SYAP1: variants seen among roughly 807,000 people sequenced by gnomAD.
SYAP1 encodes the protein synapse associated protein 1.
Under a neutral mutation model 29.6 loss-of-function variants are expected in SYAP1, and 3 were observed. The ratio of observed to expected loss-of-function variants is 0.10; its 90% CI spans 0.05 to 0.26. The LOEUF (loss-of-function observed/expected upper bound fraction) is 0.26. SYAP1 is among the 10% of genes least tolerant of loss of function. SYAP1 has a pLI of 1.00. For missense variants in SYAP1, 217 were observed against 264.1 expected (o/e 0.82, Z 1.24); for synonymous variants, 102 against 102.7 (o/e 0.99, Z 0.04).
At chrX:16,760,149 T>G in intron 8 of SYAP1, 83 bp from the exon 9 acceptor site, 1 of 969,644 alleles carries the variant, frequency 1.0e-6, no homozygotes, top group Admixed American at 3.5e-5. Flanking sequence ...GGACTTTACG[T>G]AGGTAATTGA....
intron 3 of SYAP1, among the ~76,000 whole-genome samples, chrX:16,741,255 A>G (rs937354357): frequency 6.3e-5 from 7 of 111,150 alleles, no homozygotes; most frequent in East Asian, 2.8e-4. Flanking sequence ...CTGAAATGCA[A>G]TGGCGGAATC....
chrX:16,754,919 T>G, intron 5 of SYAP1, 26 bp from the exon 6 acceptor site: 4 of 1,200,873 alleles, frequency 3.3e-6, no homozygotes, highest in Non-Finnish European at 4.5e-6. Context: ...CTTTTTCCAC[T>G]GTTCTAATTT....
intron 8 of SYAP1, 74 bp from the exon 9 acceptor site, chrX:16,760,158 G>A: frequency 9.6e-7 from 1 of 1,037,314 alleles, no homozygotes; most frequent in Non-Finnish European, 1.3e-6. Flanking sequence ...GTAGGTAATT[G>A]AGATGGACCG....
chrX:16,721,325 G>A (rs1238283836), intron 1 of SYAP1, among the ~76,000 whole-genome samples: 5 of 110,085 alleles, frequency 4.5e-5, no homozygotes, highest in Middle Eastern at 4.7e-3. Context: ...TCCACCTCCA[G>A]GGTTCAAGTG....
Position 16,736,750 on chromosome X carries a change from C to T in SYAP1, c.361+518C>T, listed in dbSNP as rs777540435. On this transcript the variant is annotated intron_variant, in intron 3 of 8. Transcript: ENST00000380155. The stretch of plus-strand genomic sequence containing the variant: ...GTCTCGAACTCCTGACCTCGTGATC[C>T]GCCCGCCTTAGCCTCCCAAAGTGCT... Among the ~76,000 whole-genome samples the T allele has an allele frequency of 8.0e-5, 9 of 111,916 alleles. No homozygotes were observed. In the South Asian group the frequency reaches 1.5e-3, roughly 18 times the overall value.
Position 16,719,743 on chromosome X carries a change from A to C in SYAP1, c.19A>C (p.Ser7Arg), listed in dbSNP as rs1345262455. Residue 7 changes from serine to arginine, a missense_variant, in exon 1 of 9, where the codon AGT (serine) becomes CGT (arginine). By Grantham distance (110) the Ser-to-Arg change is moderately radical (BLOSUM62 -1). Transcript: ENST00000380155. Reference sequence around the variant, plus strand: ...GAGCGGGATGTTCCGGGGCTTGAGCAGTTGGTTGGGCTTGCAGCAGCCGGT... The same window carrying C: ...GAGCGGGATGTTCCGGGGCTTGAGCCGTTGGTTGGGCTTGCAGCAGCCGGT... The part of the protein sequence containing the change: MFRGLS[S>R]WLGLQQPVAG... 5 of 1,205,210 alleles carry C rather than the reference A, an allele frequency of 4.1e-6. No individual in the cohort carries two copies. The highest frequency in any genetic ancestry group is 5.6e-6 in the Non-Finnish European group (5 of 893,439).
At chrX:16,738,843 T>C (rs1479416243) in intron 3 of SYAP1, among the ~76,000 whole-genome samples, 1 of 111,761 alleles carries the variant, frequency 8.9e-6, no homozygotes, top group Non-Finnish European at 1.9e-5. Context: ...GGAAATGTGT[T>C]CCATGCATTT....
chrX:16,742,745 C>T (rs1193093291), intron 4 of SYAP1, among the ~76,000 whole-genome samples: 2 of 111,367 alleles, frequency 1.8e-5, no homozygotes, highest in East Asian at 5.7e-4. Flanking sequence ...TTCCAAGTAT[C>T]TGGGACGATA....
rs1926304611 is a variant in SYAP1, at chrX:16,735,225, A to G, written c.176-2A>G. Reference sequence around the variant, plus strand: ...ACCACAGATTCTTTTTATTCTTTACAGACTATTTATTTAACTTTGCATCTG... The same window carrying G: ...ACCACAGATTCTTTTTATTCTTTACGGACTATTTATTTAACTTTGCATCTG... On this transcript the variant is annotated splice_acceptor_variant, in intron 1 of 8. Coordinates refer to ENST00000380155, the MANE Select transcript of SYAP1 (RefSeq NM_032796.4). LOFTEE classifies it high-confidence loss of function. 8.8e-7 allele frequency: 1 copy of G among 1,133,524 alleles called. No individual in the cohort carries two copies. Among genetic ancestry groups the G allele is most frequent in the Non-Finnish European group, 1.2e-6 (1 of 836,785 alleles). 93.4% of individuals were successfully genotyped at this position (1,133,524 alleles called of 1,213,427 possible).
At chrX:16,729,143 GAT>G (rs1926149805) in intron 1 of SYAP1, among the ~76,000 whole-genome samples, 1 of 110,881 alleles carries the variant, frequency 9.0e-6, no homozygotes, top group African/African-American at 3.3e-5. Flanking sequence ...AACGTACACT[GAT>G]ATATCAGAAT....
intron 5 of SYAP1, among the ~76,000 whole-genome samples, chrX:16,749,927 A>G (rs988468574): frequency 9.1e-6 from 1 of 109,494 alleles, no homozygotes; most frequent in East Asian, 2.9e-4. Flanking sequence ...AAAAAAAAAA[A>G]AAGTGATTTC....
At chrX:16,744,404 C>G (rs1041494698) in intron 5 of SYAP1, among the ~76,000 whole-genome samples, 1 of 112,729 alleles carries the variant, frequency 8.9e-6, no homozygotes, top group Non-Finnish European at 1.9e-5. Flanking sequence ...CAGTCCAGTC[C>G]CTTGTATTGA....
At chrX:16,742,900 A>G (rs1447135764) in intron 4 of SYAP1, among the ~76,000 whole-genome samples, 1 of 103,732 alleles carries the variant, frequency 9.6e-6, no homozygotes, top group African/African-American at 3.5e-5. Context: ...GCCATGAGCG[A>G]CTACACCCTG....
At chrX:16,726,461 G>A (rs1926084416) in intron 1 of SYAP1, among the ~76,000 whole-genome samples, 1 of 110,612 alleles carries the variant, frequency 9.0e-6, no homozygotes, top group South Asian at 3.8e-4. Flanking sequence ...GTGCTTTAAG[G>A]TTCAGGAAAG....
chrX:16,755,219 A>G, intron 6 of SYAP1, 126 bp downstream of exon 6: 2 of 695,334 alleles, frequency 2.9e-6, no homozygotes, highest in Non-Finnish European at 4.2e-6. Context: ...TTCCCAGAGG[A>G]AATCTTCATT....
intron 5 of SYAP1, among the ~76,000 whole-genome samples, chrX:16,750,179 T>A (rs762622449): frequency 8.9e-6 from 1 of 111,751 alleles, no homozygotes; most frequent in South Asian, 3.7e-4. Context: ...GTTGTCTTAA[T>A]TGCAGAAAGC....
At chrX:16,734,841 C>A (rs1229093677) in intron 1 of SYAP1, among the ~76,000 whole-genome samples, 3 of 107,544 alleles carry the variant, frequency 2.8e-5, no homozygotes, top group African/African-American at 1.0e-4. Flanking sequence ...ACTAAAAATA[C>A]CAAAAAAATT....
At chrX:16,724,124 T>C (rs919102043) in intron 1 of SYAP1, among the ~76,000 whole-genome samples, 3 of 111,676 alleles carry the variant, frequency 2.7e-5, no homozygotes, top group Non-Finnish European at 5.6e-5. Flanking sequence ...TGTATTGCAA[T>C]GAAAGAGTAC....
chrX:16,724,260 C>T (rs2147414847), intron 1 of SYAP1, among the ~76,000 whole-genome samples: 1 of 112,072 alleles, frequency 8.9e-6, no homozygotes, highest in East Asian at 2.8e-4. Flanking sequence ...GTGTGAGATG[C>T]TGTCTTCCAG....
Sources: allele counts gnomAD v4.1 joint callset (sites outside exome capture counted in the v4.1 genomes callset), GRCh38; gene constraint gnomAD v4.1.1; transcripts MANE v1.5; gene names NCBI Gene and HGNC (gene_info 2026-07-23, HGNC 2026-07-21).